ABCB10: variants seen among roughly 807,000 people sequenced by gnomAD.
ABCB10 encodes the protein ATP binding cassette subfamily B member 10.
ABCB10 carries 54 observed loss-of-function variants against 65.4 expected under a neutral mutation model. The observed-to-expected ratio is 0.83, with a 90% CI of 0.66 to 1.04. The LOEUF is 1.04. Among genes scored for constraint, ABCB10 ranks in the 50% least tolerant of loss-of-function variants. The probability of loss-of-function intolerance (pLI) is 0.00; values close to 1 mark genes in which losing one functional copy is unlikely to be tolerated. For synonymous variants in ABCB10, 418 were observed against 406.5 expected (o/e 1.03, Z -0.34); for missense variants, 846 against 976.6 (o/e 0.87, Z 1.78).
chr1:229,537,965 A>C (rs948242095), intron 6 of ABCB10, among the ~76,000 whole-genome samples: 1 of 152,224 alleles, frequency 6.6e-6, no homozygotes, highest in Non-Finnish European at 1.5e-5. Context: ...TGGTGGCAAC[A>C]GATGTACACT....
In ABCB10 at chr1:229,558,566, C is replaced by T. The variant is rs1406787643; in HGVS notation, c.87G>A (p.Val29=). The change falls in exon 1 of 13, where the codon GTG becomes GTA. Residue 29 remains valine (V), a synonymous_variant. Coordinates refer to ENST00000344517, the MANE Select transcript of ABCB10 (RefSeq NM_012089.3). ...EPGRLLPVAC[V]WAAASRVPGS... ...CGGGAACGCGGCTGGCCGCGGCCCACACGCAGGCTACCGGCAGGAGCCGAC... is the reference window on the plus strand; with the variant it reads ...CGGGAACGCGGCTGGCCGCGGCCCATACGCAGGCTACCGGCAGGAGCCGAC... 2 of 1,445,318 alleles carry T rather than the reference C, an allele frequency of 1.4e-6. No homozygotes were observed. The highest frequency in any genetic ancestry group is 1.5e-5 in the African/African-American group (1 of 67,362). The allele number at this position is 1,445,318 out of a possible 1,614,324, so 89.5% of individuals were successfully genotyped here.
chr1:229,535,890 T>A (rs901844262), intron 6 of ABCB10, among the ~76,000 whole-genome samples: 5 of 152,124 alleles, frequency 3.3e-5, no homozygotes, highest in Non-Finnish European at 7.4e-5. Context: ...CACACCCAGC[T>A]AATTTTTGTA....
chr1:229,519,895 G>A (rs184002004), intron 11 of ABCB10, among the ~76,000 whole-genome samples: 8 of 152,298 alleles, frequency 5.3e-5, no homozygotes, highest in East Asian at 3.9e-4. Flanking sequence ...GCAGGCTGAG[G>A]GGGGAGGACT....
chr1:229,542,252 C>T lies in ABCB10; in HGVS notation c.1041G>A (p.Leu347=). 1.2e-6 allele frequency: 2 copies of T among 1,613,984 alleles called. No homozygotes were observed. The highest frequency in any genetic ancestry group is 2.2e-5 in the South Asian group (2 of 91,056). ...RKLTKVTQDS[L]AQATQLAEER... ...GGGCCTTTACCTGAGTGGCTTGTGC[C>T]AGGGAATCCTGAGTGACTTTGGTCA... The change falls in exon 4 of 13, where the codon CTG becomes CTA. Residue 347 remains leucine (L), a synonymous_variant. Coordinates refer to ENST00000344517, the MANE Select transcript of ABCB10 (RefSeq NM_012089.3).
At chr1:229,529,403 G>A (rs1038764487) in intron 8 of ABCB10, among the ~76,000 whole-genome samples, 1 of 147,936 alleles carries the variant, frequency 6.8e-6, no homozygotes, top group African/African-American at 2.5e-5. Flanking sequence ...AGGCACGGTG[G>A]CTCACACCTG....
chr1:229,516,668 C>A lies in ABCB10; in HGVS notation c.*1511G>T, dbSNP rs1474630915. On this transcript the variant is annotated 3_prime_UTR_variant, in exon 13 of 13. Coordinates refer to ENST00000344517, the MANE Select transcript of ABCB10 (RefSeq NM_012089.3). ...TCATGTATCAGAAAATAAAACATAA[C>A]AATGAAATGCAATTTCGTAAATACT... 1 of 151,664 alleles carries A rather than the reference C, an allele frequency of 6.6e-6. No individual in the cohort carries two copies. The highest frequency in any genetic ancestry group is 1.5e-5 in the Non-Finnish European group (1 of 67,878). The allele number at this position is 151,664 out of a possible 1,614,324, so 9.4% of individuals were successfully genotyped here.
At chr1:229,521,473 G>GAAAAA in intron 11 of ABCB10, 119 bp downstream of exon 11, 1 of 967,712 alleles carries the variant, frequency 1.0e-6, no homozygotes, top group Non-Finnish European at 1.4e-6. Context: ...CCCACTCCAA[G>GAAAAA]AAAAAAAAAA....
At chr1:229,526,323 C>T (rs990881851) in intron 9 of ABCB10, among the ~76,000 whole-genome samples, 2 of 152,226 alleles carry the variant, frequency 1.3e-5, no homozygotes, top group African/African-American at 4.8e-5. Flanking sequence ...TTGTAAATGT[C>T]AGTCCCCTGC....
chr1:229,557,560 G>A (rs1382010488), intron 1 of ABCB10, among the ~76,000 whole-genome samples: 8 of 152,066 alleles, frequency 5.3e-5, no homozygotes, highest in African/African-American at 1.9e-4. Flanking sequence ...ATTCATTTTG[G>A]CTTCTTTTAA....
At chr1:229,520,552 C>T (rs1662284796) in intron 11 of ABCB10, among the ~76,000 whole-genome samples, 1 of 146,432 alleles carries the variant, frequency 6.8e-6, no homozygotes, top group Admixed American at 6.8e-5. Flanking sequence ...GTAGATAAAA[C>T]ATTACAAGTC....
chr1:229,526,110 T>C lies in ABCB10; in HGVS notation c.1732A>G (p.Ile578Val), dbSNP rs1260928411. The C allele has an allele frequency of 5.0e-6, 8 of 1,608,664 alleles. No individual in the cohort carries two copies. The highest frequency in any genetic ancestry group is 6.8e-6 in the Non-Finnish European group (8 of 1,178,146). The part of the protein sequence containing the change: ...SKIGTVSQEP[I>V]LFSCSIAENI... ...TCAGCAATAGAGCAAGAAAACAAAA[T>C]GGGTTCCTACAAATTGGAAATAAAA... The change falls in exon 10 of 13, where the codon ATT (isoleucine) becomes GTT (valine). Residue 578 changes from isoleucine (I) to valine (V), a missense_variant. Physicochemically the swap from Ile to Val is conservative, Grantham distance 29. This residue lies in a region of ABCB10 where 632 missense variants were observed against 803.2 expected (regional missense o/e 0.79). Coordinates refer to ENST00000344517, the MANE Select transcript of ABCB10 (RefSeq NM_012089.3).
intron 6 of ABCB10, among the ~76,000 whole-genome samples, chr1:229,535,970 C>T (rs1379647841): frequency 6.6e-6 from 1 of 152,020 alleles, no homozygotes; most frequent in Non-Finnish European, 1.5e-5. Flanking sequence ...AAGTGATCTG[C>T]CCGCCTCAGC....
chr1:229,555,766 T>C (rs1382650851), intron 1 of ABCB10, among the ~76,000 whole-genome samples: 1 of 152,188 alleles, frequency 6.6e-6, no homozygotes, highest in African/African-American at 2.4e-5. Flanking sequence ...CTCCAGCATT[T>C]CAAAGAGATG....
In ABCB10 at chr1:229,541,188, C is replaced by T. The variant is rs1048545926; in HGVS notation, c.1057-436G>A. On this transcript the variant is annotated intron_variant, in intron 4 of 12. Coordinates refer to ENST00000344517, the MANE Select transcript of ABCB10 (RefSeq NM_012089.3). ...TTCAAATTTTTCAACAATAAACATG[C>T]ATGGTTTTTGTAACATGCAAGTATA... Among the ~76,000 whole-genome samples, 8 of 152,148 alleles carry T rather than the reference C, an allele frequency of 5.3e-5. 1 individual carries two copies. The highest frequency in any genetic ancestry group is 1.2e-4 in the Non-Finnish European group (8 of 68,018).
At chr1:229,551,806 T>A (rs1571979378) in intron 1 of ABCB10, among the ~76,000 whole-genome samples, 6 of 152,064 alleles carry the variant, frequency 3.9e-5, no homozygotes, top group Admixed American at 3.9e-4. Context: ...CCAGAAAGAG[T>A]CATCCTGGCA....
At chr1:229,521,666 C>G in intron 10 of ABCB10, 31 bp from the exon 11 acceptor site, 1 of 1,608,800 alleles carries the variant, frequency 6.2e-7, no homozygotes, top group Non-Finnish European at 8.5e-7. Context: ...AAAAAGAAGG[C>G]CTCAACAAAA....
chr1:229,553,023 T>G (rs1342607624), intron 1 of ABCB10, among the ~76,000 whole-genome samples: 1 of 152,078 alleles, frequency 6.6e-6, no homozygotes. Flanking sequence ...GAAGGAGAAC[T>G]GAGAAATGAA....
At chr1:229,539,919 T>C (rs1662804577) in intron 5 of ABCB10, among the ~76,000 whole-genome samples, 1 of 152,192 alleles carries the variant, frequency 6.6e-6, no homozygotes, top group Non-Finnish European at 1.5e-5. Context: ...CTGTATAGGT[T>C]TATATAATAT....
chr1:229,539,138 C>T (rs1662784884), intron 6 of ABCB10, among the ~76,000 whole-genome samples: 1 of 152,194 alleles, frequency 6.6e-6, no homozygotes, highest in Non-Finnish European at 1.5e-5. Context: ...CAGCGCCGCC[C>T]TCCTCCTGCC....
Sources: gnomAD v4.1 joint callset for allele counts (sites outside exome capture counted in the v4.1 genomes callset) on GRCh38, gnomAD v4.1.1 for gene constraint, gnomAD v4.1.1 regional missense constraint, MANE v1.5 for transcripts, NCBI Gene and HGNC (gene_info 2026-07-23, HGNC 2026-07-21) for gene names.